The following ABCA13 variants were observed in gnomAD, a reference collection of about 807,000 sequenced individuals.
ABCA13 encodes ATP binding cassette subfamily A member 13, also known as ATP-binding cassette sub-family A member 13.
Under a neutral mutation model 478.7 loss-of-function variants are expected in ABCA13, and 476 were observed. The ratio of observed to expected loss-of-function variants is 0.99; its 90% CI spans 0.92 to 1.07. The LOEUF is 1.07. Ranked by LOEUF, ABCA13 falls within the 50% of genes least tolerant of loss-of-function variation. The pLI is 0.00. For missense variants in ABCA13, 6,060 were observed against 5,910.6 expected, an observed-to-expected ratio of 1.03 and a Z score of -0.83; for synonymous variants, 2,252 against 2,158.9, an observed-to-expected ratio of 1.04 and a Z score of -1.20.
At chr7:48,487,364 C>T (rs1186869035) in intron 47 of ABCA13, among the ~76,000 whole-genome samples, 2 of 151,418 alleles carry the variant, frequency 1.3e-5, no homozygotes, top group Non-Finnish European at 2.9e-5. Flanking sequence ...AAACAGAAGT[C>T]TCAGAATCTA....
At chr7:48,413,423 A>G (rs1196180066) in intron 41 of ABCA13, among the ~76,000 whole-genome samples, 3 of 152,174 alleles carry the variant, frequency 2.0e-5, no homozygotes, top group Non-Finnish European at 4.4e-5. Flanking sequence ...ACAGGCAGAA[A>G]TAGGCGTTTC....
At chr7:48,454,586 C>G (rs6969037) in intron 42 of ABCA13, among the ~76,000 whole-genome samples, 142,104 of 151,994 alleles carry the variant, frequency 0.93, 66,564 homozygotes, top group East Asian at 1. Flanking sequence ...CCGGGAGGAG[C>G]GGGGGCGGGG....
intron 58 of ABCA13, among the ~76,000 whole-genome samples, chr7:48,610,505 T>C (rs1411169116): frequency 6.6e-6 from 1 of 152,186 alleles, no homozygotes; most frequent in Non-Finnish European, 1.5e-5. Flanking sequence ...TGGAGGGTGG[T>C]AGCCCTCTTC....
chr7:48,219,759 A>C (rs1476847393), intron 4 of ABCA13, among the ~76,000 whole-genome samples: 1 of 152,084 alleles, frequency 6.6e-6, no homozygotes, highest in Non-Finnish European at 1.5e-5. Flanking sequence ...GCTGCAGCCC[A>C]TCCTGACTTT....
chr7:48,488,381 T>A (rs192453386), intron 47 of ABCA13, among the ~76,000 whole-genome samples: 73 of 152,242 alleles, frequency 4.8e-4, no homozygotes, highest in Admixed American at 2.9e-3. Flanking sequence ...GAAAAGAGAT[T>A]GGAAGCCCTC....
intron 45 of ABCA13, among the ~76,000 whole-genome samples, chr7:48,478,206 ATATATATACATATATCAT>A (rs982930666): frequency 1.1e-4 from 17 of 148,014 alleles, no homozygotes; most frequent in East Asian, 3.9e-4. Context: ...AAATGATATG[ATATATATACATATATCAT>A]TATATATACA....
chr7:48,416,897 A>T (rs773397718), intron 41 of ABCA13, among the ~76,000 whole-genome samples: 7 of 150,758 alleles, frequency 4.6e-5, no homozygotes, highest in African/African-American at 7.3e-5. Context: ...CATGCTCAGA[A>T]TTCTAAACCA....
In ABCA13 at chr7:48,494,016, G is replaced by A. The variant is rs113436467; in HGVS notation, c.13291+4672G>A. The stretch of plus-strand genomic sequence containing the variant: ...CTAGGAAGGAACCTGATGGATACCT[G>A]GCTACTGGGTGTCAGGGGAGGACTG... On this transcript the variant is annotated intron_variant, in intron 48 of 61. Transcript: ENST00000435803. Among the ~76,000 whole-genome samples the A allele has an allele frequency of 5.3e-5, 8 of 152,252 alleles. 1 individual carries two copies. Among genetic ancestry groups the A allele is most frequent in the African/African-American group, 1.9e-4 (8 of 41,540 alleles).
At chr7:48,453,540 TGC>T (rs1432670464) in intron 42 of ABCA13, among the ~76,000 whole-genome samples, 2 of 152,192 alleles carry the variant, frequency 1.3e-5, no homozygotes, top group Non-Finnish European at 2.9e-5. Flanking sequence ...TCTCATCTCC[TGC>T]CACTTGCTAC....
intron 41 of ABCA13, among the ~76,000 whole-genome samples, chr7:48,426,218 CAA>C (rs1821406757): frequency 6.6e-6 from 1 of 152,194 alleles, no homozygotes; most frequent in African/African-American, 2.4e-5. Flanking sequence ...TGAGAATCAG[CAA>C]AGTGTTATCT....
Position 48,248,344 on chromosome 7 carries a change from A to G in ABCA13, c.1765A>G (p.Ser589Gly). The change falls in exon 14 of 62, where the codon AGC becomes GGC. Residue 589 changes from serine to glycine, a missense_variant. By Grantham distance (56) the Ser-to-Gly change is moderately conservative. Around this residue, in one of 3 missense-constraint regions of ABCA13, gnomAD observed 4,423 missense variants for 4,309.1 expected, o/e 1.03. Coordinates refer to ENST00000435803, the MANE Select transcript of ABCA13 (RefSeq NM_152701.5). Reference sequence around the variant, plus strand: ...ACTTGAGATGCAGCTGTCAGAAGCAAGCCTTTCCTGTACTCGGCTCTTCCT... The same window carrying G: ...ACTTGAGATGCAGCTGTCAGAAGCAGGCCTTTCCTGTACTCGGCTCTTCCT... ...QELEMQLSEA[S>G]LSCTRLFLLL... The G allele has an allele frequency of 6.2e-7, 1 of 1,613,904 alleles. No homozygotes were observed. Among genetic ancestry groups the G allele is most frequent in the Non-Finnish European group, 8.5e-7 (1 of 1,179,794 alleles).
At chr7:48,326,490 G>T (rs1804350854) in intron 27 of ABCA13, among the ~76,000 whole-genome samples, 2 of 152,310 alleles carry the variant, frequency 1.3e-5, no homozygotes, top group African/African-American at 2.4e-5. Flanking sequence ...GTAGAGGGAA[G>T]AATTACTTGC....
chr7:48,192,174 C>A (rs1797193372), intron 1 of ABCA13, among the ~76,000 whole-genome samples: 1 of 151,034 alleles, frequency 6.6e-6, no homozygotes, highest in African/African-American at 2.4e-5. Context: ...TTGGGCTATA[C>A]CTTATAGGTG....
chr7:48,499,078 T>C (rs1206778568), intron 48 of ABCA13, among the ~76,000 whole-genome samples: 1 of 152,220 alleles, frequency 6.6e-6, no homozygotes, highest in Non-Finnish European at 1.5e-5. Context: ...TTTAATTTTA[T>C]TCTTTACCCT....
At chr7:48,178,570 G>C (rs1167163984) in intron 1 of ABCA13, among the ~76,000 whole-genome samples, 1 of 152,094 alleles carries the variant, frequency 6.6e-6, no homozygotes, top group African/African-American at 2.4e-5. Context: ...AGCTACCGAG[G>C]AGGCTAAGGC....
chr7:48,536,881 ACAT>A (rs535961111), intron 55 of ABCA13, among the ~76,000 whole-genome samples: 3 of 152,030 alleles, frequency 2.0e-5, no homozygotes, highest in East Asian at 3.9e-4. Context: ...TTTGTTGAAA[ACAT>A]CATTTTCAAT....
At chr7:48,633,014 G>C (rs755743743) in intron 59 of ABCA13, among the ~76,000 whole-genome samples, 2 of 152,138 alleles carry the variant, frequency 1.3e-5, no homozygotes, top group Non-Finnish European at 2.9e-5. Flanking sequence ...CCTTGAAACT[G>C]TCAGTGGATT....
At chr7:48,447,919 TG>T (rs1285022732) in intron 42 of ABCA13, among the ~76,000 whole-genome samples, 1 of 152,178 alleles carries the variant, frequency 6.6e-6, no homozygotes, top group Non-Finnish European at 1.5e-5. Context: ...AGATGAACAT[TG>T]GGCTCAGGTT....
At position 48,410,581 on chromosome 7, in the gene ABCA13, G is replaced by A. The variant is rs1818877072; in HGVS notation, c.12132G>A (p.Val4044=). Residue 4044 remains valine, a synonymous_variant, in exon 40 of 62, where the codon GTG becomes GTA. Coordinates refer to ENST00000435803, the MANE Select transcript of ABCA13 (RefSeq NM_152701.5). The part of the protein sequence containing the change: ...LDEAEALSDR[V]AVLQHGRLRC... ...AAGCTGAAGCGCTGAGTGACCGCGT[G>A]GCCGTCCTCCAGCATGGGAGGCTCA... 2 of 1,613,902 alleles carry A rather than the reference G, an allele frequency of 1.2e-6. No individual in the cohort carries two copies. Among genetic ancestry groups the A allele is most frequent in the Admixed American group, 3.3e-5 (2 of 60,012 alleles).
Sources: allele counts gnomAD v4.1 joint callset (sites outside exome capture counted in the v4.1 genomes callset), GRCh38; gene constraint gnomAD v4.1.1; regional missense constraint gnomAD v4.1.1; transcripts MANE v1.5; gene names NCBI Gene and HGNC (gene_info 2026-07-23, HGNC 2026-07-21).